Variants in TMTC2 observed in about 807,000 individuals in gnomAD.
TMTC2 encodes protein O-mannosyl-transferase TMTC2.
In TMTC2, 43 loss-of-function variants were observed where a neutral mutation model predicts 82.4. That is an observed-to-expected ratio of 0.52 (90% CI 0.41 to 0.67). The LOEUF (loss-of-function observed/expected upper bound fraction) is 0.67, where lower values mean the gene tolerates loss of function less well. Among genes scored for constraint, TMTC2 ranks in the 30% least tolerant of loss-of-function variants. The pLI is 0.00. For synonymous variants in TMTC2, 408 were observed against 381.9 expected, an observed-to-expected ratio of 1.07 and a Z score of -0.80; for missense variants, 919 against 1,012.4, an observed-to-expected ratio of 0.91 and a Z score of 1.25.
chr12:83,006,591 C>T (rs1880214767), intron 8 of TMTC2, among the ~76,000 whole-genome samples: 1 of 152,126 alleles, frequency 6.6e-6, no homozygotes, highest in Non-Finnish European at 1.5e-5. Context: ...CCCAGCAATC[C>T]CATTACTGGG....
intron 1 of TMTC2, among the ~76,000 whole-genome samples, chr12:82,852,988 C>T (rs1027569843): frequency 6.6e-6 from 1 of 152,098 alleles, no homozygotes; most frequent in Non-Finnish European, 1.5e-5. Flanking sequence ...CTAATGTCTC[C>T]CTTAGTATAG....
intron 7 of TMTC2, among the ~76,000 whole-genome samples, chr12:82,984,254 GATA>G (rs1879057697): frequency 6.6e-6 from 1 of 151,990 alleles, no homozygotes; most frequent in South Asian, 2.1e-4. Flanking sequence ...TCATTTTTAT[GATA>G]ATATAGTTTA....
At chr12:83,005,876 G>C (rs1054083793) in intron 8 of TMTC2, among the ~76,000 whole-genome samples, 3 of 152,326 alleles carry the variant, frequency 2.0e-5, no homozygotes, top group South Asian at 2.1e-4. Flanking sequence ...AGACAGCCCT[G>C]TTCTCTCCCA....
chr12:82,885,630 T>G (rs1189896157), intron 2 of TMTC2, among the ~76,000 whole-genome samples: 2 of 152,058 alleles, frequency 1.3e-5, no homozygotes, highest in East Asian at 1.9e-4. Context: ...CTTTGCCTCT[T>G]AAAGTGCTGA....
At chr12:82,835,054 G>A (rs536206744) in intron 1 of TMTC2, among the ~76,000 whole-genome samples, 4 of 151,974 alleles carry the variant, frequency 2.6e-5, no homozygotes, top group Non-Finnish European at 5.9e-5. Context: ...TAGAGCTAGG[G>A]TGTTGCCATG....
intron 2 of TMTC2, among the ~76,000 whole-genome samples, chr12:82,864,677 A>C (rs1379000660): frequency 6.7e-6 from 1 of 150,374 alleles, no homozygotes. Context: ...AATTTTTTGT[A>C]TTTTTAGTAG....
chr12:83,009,561 A>G (rs1880360463), intron 8 of TMTC2, among the ~76,000 whole-genome samples: 1 of 152,130 alleles, frequency 6.6e-6, no homozygotes, highest in Admixed American at 6.5e-5. Context: ...CAGAAAAATC[A>G]TTGATTTCCA....
At chr12:82,720,513 G>C (rs902920039) in intron 1 of TMTC2, among the ~76,000 whole-genome samples, 2 of 152,080 alleles carry the variant, frequency 1.3e-5, no homozygotes, top group African/African-American at 4.8e-5. Flanking sequence ...TCCACCTGTT[G>C]GTGATTGTGG....
At chr12:82,964,933 C>A in intron 4 of TMTC2, 91 bp from the exon 5 acceptor site, 1 of 751,722 alleles carries the variant, frequency 1.3e-6, no homozygotes, top group South Asian at 2.2e-5. Context: ...GTGCTGTTAA[C>A]CATTTTTATT....
At chr12:83,086,099 G>C (rs1301091570) in intron 11 of TMTC2, among the ~76,000 whole-genome samples, 23 of 150,686 alleles carry the variant, frequency 1.5e-4, no homozygotes, top group Admixed American at 1.5e-3. Context: ...AAACTTTACT[G>C]TTGAAAATGC....
At position 82,687,618 on chromosome 12, in the gene TMTC2, G is replaced by T. The variant is rs1009415290; in HGVS notation, c.32G>T (p.Gly11Val). 1.2e-6 allele frequency: 2 copies of T among 1,603,350 alleles called. No homozygotes were observed. Among genetic ancestry groups the T allele is most frequent in the African/African-American group, 2.7e-5 (2 of 74,852 alleles). MIAELVSSAL[G>V]LALYLNTLSA... The stretch of plus-strand genomic sequence containing the variant: ...GCAGAGTTGGTGAGCAGCGCTCTGG[G>T]GCTCGCCTTGTATCTCAACACCCTG... Residue 11 changes from glycine (G) to valine (V), a missense_variant, in exon 1 of 12, where the codon GGG (glycine) becomes GTG (valine). Transcript: ENST00000321196.
chr12:82,917,369 G>A (rs1474929576), intron 3 of TMTC2, among the ~76,000 whole-genome samples: 1 of 151,786 alleles, frequency 6.6e-6, no homozygotes, highest in Admixed American at 6.6e-5. Context: ...CATTCATGGG[G>A]CACATCCAAA....
At chr12:82,722,483 C>T (rs978463724) in intron 1 of TMTC2, among the ~76,000 whole-genome samples, 14 of 135,854 alleles carry the variant, frequency 1.0e-4, no homozygotes, top group South Asian at 2.4e-4. Flanking sequence ...AGGAGAATGG[C>T]GTGAACCCGG....
intron 3 of TMTC2, among the ~76,000 whole-genome samples, chr12:82,910,038 G>A (rs1265660073): frequency 6.6e-6 from 1 of 152,114 alleles, no homozygotes; most frequent in Non-Finnish European, 1.5e-5. Context: ...TACAATTGCT[G>A]ATATTGTTAA....
Position 82,687,574 on chromosome 12 carries a change from AGGC to A in TMTC2, c.-10_-8del, listed in dbSNP as rs1565708376. ...CGCGCTGGGAGCCGAGCCGGAGGGA[AGGC>A]GGTGGAGAGATGATTGCAGAGTTGG... On this transcript the variant is annotated 5_prime_UTR_variant, in exon 1 of 12. Coordinates refer to ENST00000321196, the MANE Select transcript of TMTC2 (RefSeq NM_152588.3). 4 of 1,591,646 alleles carry A rather than the reference AGGC, an allele frequency of 2.5e-6. No individual in the cohort carries two copies. Among genetic ancestry groups the A allele is most frequent in the Non-Finnish European group, 3.4e-6 (4 of 1,170,784 alleles).
At chr12:82,895,218 G>A (rs1173321241) in intron 2 of TMTC2, among the ~76,000 whole-genome samples, 1 of 152,042 alleles carries the variant, frequency 6.6e-6, no homozygotes, top group East Asian at 1.9e-4. Context: ...GTGACAATAT[G>A]GGGCAGCAGA....
chr12:83,119,648 T>C (rs1884885262), intron 11 of TMTC2, among the ~76,000 whole-genome samples: 1 of 152,230 alleles, frequency 6.6e-6, no homozygotes, highest in African/African-American at 2.4e-5. Flanking sequence ...TGTATATATC[T>C]GTTAAGTCCA....
chr12:83,055,444 A>G (rs1404547132), intron 10 of TMTC2, among the ~76,000 whole-genome samples: 4 of 152,100 alleles, frequency 2.6e-5, no homozygotes, highest in African/African-American at 9.7e-5. Flanking sequence ...GAGCATAAAA[A>G]AGCAGATTGG....
rs1229248223 is a variant in TMTC2, at chr12:82,986,040, T to C, written c.2064T>C (p.Ala688=). 1.2e-6 allele frequency: 2 copies of C among 1,613,830 alleles called. No homozygotes were observed. Among genetic ancestry groups the C allele is most frequent in the South Asian group, 1.1e-5 (1 of 91,090 alleles). The change falls in exon 8 of 12, where the codon GCT becomes GCC. Residue 688 remains alanine, a synonymous_variant. Transcript: ENST00000321196. The stretch of plus-strand genomic sequence containing the variant: ...ATCTCACCTATGGGAAGCTGCTAGC[T>C]CTAACAGTGAGTAACCGCCTTCCTT... ...PAHLTYGKLL[A]LTGRKSEAEK...
Sources: allele counts gnomAD v4.1 joint callset (sites outside exome capture counted in the v4.1 genomes callset), GRCh38; gene constraint gnomAD v4.1.1; transcripts MANE v1.5; gene names NCBI Gene and HGNC (gene_info 2026-07-23, HGNC 2026-07-21).